Variants in SNAP91 observed in about 807,000 individuals in gnomAD.
SNAP91 encodes the protein synaptosome associated protein 91, also known as clathrin coat assembly protein AP180.
SNAP91 carries 27 observed loss-of-function variants against 100.3 expected under a neutral mutation model. The ratio of observed to expected loss-of-function variants is 0.27; its 90% CI spans 0.20 to 0.37. SNAP91 has a LOEUF of 0.37. Among genes scored for constraint, SNAP91 ranks in the 10% least tolerant of loss-of-function variants. SNAP91 has a pLI of 1.00. For missense variants in SNAP91, 986 were observed against 1,123.7 expected (o/e 0.88, Z 1.75); for synonymous variants, 404 against 398.6 (o/e 1.01, Z -0.16).
At chr6:83,624,507 A>C (rs920999647) in intron 8 of SNAP91, among the ~76,000 whole-genome samples, 4 of 152,148 alleles carry the variant, frequency 2.6e-5, no homozygotes, top group African/African-American at 4.8e-5. Flanking sequence ...ACTGGAGATC[A>C]GAAAATCCAT....
At chr6:83,584,351 C>T (rs1418064730) in intron 22 of SNAP91, among the ~76,000 whole-genome samples, 1 of 152,136 alleles carries the variant, frequency 6.6e-6, no homozygotes, top group East Asian at 1.9e-4. Flanking sequence ...CCTGTCATCT[C>T]ATGGCTAGAA....
chr6:83,696,143 A>C (rs1305273949), intron 2 of SNAP91, among the ~76,000 whole-genome samples: 2 of 152,182 alleles, frequency 1.3e-5, no homozygotes, highest in African/African-American at 4.8e-5. Context: ...AACACACTGC[A>C]ACCTAGATGT....
chr6:83,626,927 T>C (rs896162523), intron 8 of SNAP91, among the ~76,000 whole-genome samples: 1 of 152,050 alleles, frequency 6.6e-6, no homozygotes, highest in Non-Finnish European at 1.5e-5. Flanking sequence ...ATCATTTTCT[T>C]GTTCTAGTTC....
intron 2 of SNAP91, among the ~76,000 whole-genome samples, chr6:83,691,867 A>G (rs2099134706): frequency 1.3e-5 from 2 of 152,214 alleles, no homozygotes; most frequent in Admixed American, 1.3e-4. Context: ...CTATACTAAT[A>G]AAGGAAAGCC....
At chr6:83,694,521 GGGT>G (rs1197962335) in intron 2 of SNAP91, among the ~76,000 whole-genome samples, 2 of 152,210 alleles carry the variant, frequency 1.3e-5, no homozygotes, top group South Asian at 4.2e-4. Context: ...CCATATACAT[GGGT>G]CAACCATGAC....
chr6:83,675,651 T>C (rs1012188783), intron 2 of SNAP91, among the ~76,000 whole-genome samples: 2 of 152,144 alleles, frequency 1.3e-5, no homozygotes, highest in African/African-American at 2.4e-5. Flanking sequence ...AGAGGAGACC[T>C]AGTTCAATTA....
intron 14 of SNAP91, among the ~76,000 whole-genome samples, chr6:83,603,231 G>GA (rs796230547): frequency 6.6e-6 from 1 of 151,930 alleles, no homozygotes; most frequent in Non-Finnish European, 1.5e-5. Context: ...TAAAATAACT[G>GA]AAAAAAGCAT....
At chr6:83,658,880 T>C (rs894062844) in intron 6 of SNAP91, 119 bp downstream of exon 6, 2 of 711,308 alleles carry the variant, frequency 2.8e-6, no homozygotes, top group Non-Finnish European at 4.7e-6. Context: ...AACTAAGTAT[T>C]CATCTAAATG....
chr6:83,615,778 A>G (rs1209607393), intron 10 of SNAP91, among the ~76,000 whole-genome samples: 1 of 152,222 alleles, frequency 6.6e-6, no homozygotes, highest in Non-Finnish European at 1.5e-5. Context: ...ACAGCTAATG[A>G]AATAACCAGA....
intron 1 of SNAP91, 35 bp from the exon 2 acceptor site, chr6:83,707,992 T>C: frequency 6.7e-7 from 1 of 1,496,106 alleles, no homozygotes; most frequent in Non-Finnish European, 8.8e-7. Context: ...CCGGCTTTAA[T>C]CCGCAGACCC....
At chr6:83,700,457 G>A (rs1048324879) in intron 2 of SNAP91, among the ~76,000 whole-genome samples, 4 of 151,936 alleles carry the variant, frequency 2.6e-5, no homozygotes, top group Non-Finnish European at 5.9e-5. Context: ...TTGCATATTT[G>A]TGTGTCAAGT....
intron 3 of SNAP91, among the ~76,000 whole-genome samples, chr6:83,663,425 C>A: frequency 6.6e-6 from 1 of 152,230 alleles, no homozygotes; most frequent in Non-Finnish European, 1.5e-5. Context: ...ATTGAAAGTG[C>A]TACTTTAATG....
chr6:83,660,001 A>C (rs746179018), intron 5 of SNAP91, among the ~76,000 whole-genome samples: 1 of 152,208 alleles, frequency 6.6e-6, no homozygotes, highest in Admixed American at 6.5e-5. Context: ...AAGCCCTTGT[A>C]TCCAGTGATG....
Position 83,625,543 on chromosome 6 carries a change from T to C in SNAP91, c.766-2201A>G, listed in dbSNP as rs147232701. Among the ~76,000 whole-genome samples the C allele has an allele frequency of 5.7e-3, 870 of 152,228 alleles. 6 individuals carry two copies. Among genetic ancestry groups the C allele is most frequent in the Non-Finnish European group, 9.7e-3 (656 of 67,976 alleles). On this transcript the variant is annotated intron_variant, in intron 8 of 29. Transcript: ENST00000369694. ...CCTTTTCTCTGCAGCCTTGCCAACA[T>C]GTTGTTTTTCGGCCTTTTAATAATA...
intron 20 of SNAP91, 125 bp downstream of exon 20, chr6:83,592,821 G>T: frequency 1.2e-6 from 1 of 801,714 alleles, no homozygotes; most frequent in Non-Finnish European, 2.0e-6. Context: ...CCAAGAGTGA[G>T]TTTTTCTTTT....
chr6:83,687,967 G>T (rs2099082552), intron 2 of SNAP91, among the ~76,000 whole-genome samples: 1 of 152,070 alleles, frequency 6.6e-6, no homozygotes, highest in African/African-American at 2.4e-5. Context: ...ATAGGTTGAG[G>T]GACGTGGAAG....
chr6:83,670,806 T>C (rs368370636), intron 2 of SNAP91, among the ~76,000 whole-genome samples: 2 of 151,742 alleles, frequency 1.3e-5, no homozygotes, highest in African/African-American at 4.8e-5. Flanking sequence ...CAAAAATAAA[T>C]GGACCACAAA....
intron 27 of SNAP91, 125 bp from the exon 28 acceptor site, chr6:83,560,333 A>G (rs1785140590): frequency 2.9e-6 from 2 of 681,406 alleles, no homozygotes; most frequent in African/African-American, 1.8e-5. Context: ...GAGGAAGCAT[A>G]ATTTGTAATT....
intron 2 of SNAP91, among the ~76,000 whole-genome samples, chr6:83,672,823 A>T (rs2098807139): frequency 6.6e-6 from 1 of 152,214 alleles, no homozygotes; most frequent in Non-Finnish European, 1.5e-5. Flanking sequence ...TACTTTTATC[A>T]GCAGCCTAAT....
Sources: allele counts gnomAD v4.1 joint callset (sites outside exome capture counted in the v4.1 genomes callset), GRCh38; gene constraint gnomAD v4.1.1; transcripts MANE v1.5; gene names NCBI Gene and HGNC (gene_info 2026-07-23, HGNC 2026-07-21).